ENTREP2: variants seen among roughly 807,000 people sequenced by gnomAD.
ENTREP2 encodes protein ENTREP2.
the ENTREP2 span, among the ~76,000 whole-genome samples, chr15:29,353,979 C>T: frequency 3.6e-4 from 55 of 152,142 alleles, no homozygotes; most frequent in African/African-American, 1.2e-3. Flanking sequence ...CTAAGAGGTA[C>T]CCAGAGAGCT....
the ENTREP2 span, among the ~76,000 whole-genome samples, chr15:29,548,702 G>A: frequency 3.9e-5 from 6 of 152,280 alleles, no homozygotes; most frequent in Admixed American, 3.9e-4. Context: ...TATTTGTTAT[G>A]CTTCAATCCT....
the ENTREP2 span, among the ~76,000 whole-genome samples, chr15:29,328,954 A>G: frequency 6.6e-6 from 1 of 152,232 alleles, no homozygotes; most frequent in Non-Finnish European, 1.5e-5. Flanking sequence ...AGGTGCCTGA[A>G]AAAACAGATA....
At chr15:29,566,367 T>C in the ENTREP2 span, among the ~76,000 whole-genome samples, 41 of 152,146 alleles carry the variant, frequency 2.7e-4, no homozygotes, top group East Asian at 6.2e-3. Flanking sequence ...GATTCCACCA[T>C]GTTGGCCAGG....
the ENTREP2 span, among the ~76,000 whole-genome samples, chr15:29,176,041 A>G: frequency 6.6e-6 from 1 of 152,276 alleles, no homozygotes; most frequent in African/African-American, 2.4e-5. Context: ...GAAGCTAAAA[A>G]GAATGAAGAG....
the ENTREP2 span, among the ~76,000 whole-genome samples, chr15:29,444,326 T>C: frequency 1.3e-5 from 2 of 152,170 alleles, no homozygotes; most frequent in East Asian, 1.9e-4. Flanking sequence ...ACATTTTATA[T>C]AAGCAAGCAT....
the ENTREP2 span, among the ~76,000 whole-genome samples, chr15:29,439,232 A>G: frequency 0.054 from 8,212 of 151,108 alleles, 768 homozygotes; most frequent in African/African-American, 0.19. Flanking sequence ...CAGGGAAAGC[A>G]TCAGAATGTA....
chr15:29,296,823 C>T, the ENTREP2 span, among the ~76,000 whole-genome samples: 2 of 152,114 alleles, frequency 1.3e-5, no homozygotes, highest in Non-Finnish European at 2.9e-5. Context: ...CCCTTAAGAG[C>T]AGGTCTATCT....
chr15:29,377,082 A>G, the ENTREP2 span: 1 of 152,308 alleles, frequency 6.6e-6, no homozygotes, highest in East Asian at 1.9e-4. Context: ...ATGAACTAGA[A>G]AACTCACTGC....
chr15:29,474,563 T>A, the ENTREP2 span, among the ~76,000 whole-genome samples: 5 of 152,114 alleles, frequency 3.3e-5, no homozygotes, highest in African/African-American at 4.8e-5. Flanking sequence ...TGTTGTTTTT[T>A]TTTCCTTTGG....
the ENTREP2 span, among the ~76,000 whole-genome samples, chr15:29,386,572 G>C: frequency 6.6e-6 from 1 of 152,200 alleles, no homozygotes; most frequent in Admixed American, 6.6e-5. Context: ...CACAGCAACA[G>C]AAAACAATTG....
chr15:29,338,563 C>T, the ENTREP2 span, among the ~76,000 whole-genome samples: 12 of 152,016 alleles, frequency 7.9e-5, no homozygotes, highest in Non-Finnish European at 1.6e-4. Context: ...TTGGAGGACA[C>T]AGAGGATGTC....
the ENTREP2 span, among the ~76,000 whole-genome samples, chr15:29,339,779 T>C: frequency 6.6e-6 from 1 of 152,212 alleles, no homozygotes; most frequent in African/African-American, 2.4e-5. Flanking sequence ...CATTAACATA[T>C]GAAAACATTC....
At chr15:29,567,690 A>C in the ENTREP2 span, among the ~76,000 whole-genome samples, 1 of 152,196 alleles carries the variant, frequency 6.6e-6, no homozygotes, top group South Asian at 2.1e-4. Context: ...GAGCACCAGC[A>C]GGCAGAGGCC....
chr15:29,645,095 T>TA, the ENTREP2 span, among the ~76,000 whole-genome samples: 2 of 151,982 alleles, frequency 1.3e-5, no homozygotes, highest in African/African-American at 4.8e-5. Flanking sequence ...ACCACAAACT[T>TA]AAGAGGAACA....
chr15:29,502,581 T>C, the ENTREP2 span, among the ~76,000 whole-genome samples: 2 of 151,840 alleles, frequency 1.3e-5, no homozygotes, highest in Non-Finnish European at 2.9e-5. Flanking sequence ...AAAGAAAAAA[T>C]AGATGAATTG....
At chr15:29,222,952 A>T in the ENTREP2 span, among the ~76,000 whole-genome samples, 1 of 152,242 alleles carries the variant, frequency 6.6e-6, no homozygotes, top group African/African-American at 2.4e-5. Flanking sequence ...AGAGCTATAC[A>T]GGAGAAAACT....
At chr15:29,403,507 C>CA in the ENTREP2 span, among the ~76,000 whole-genome samples, 2 of 152,156 alleles carry the variant, frequency 1.3e-5, no homozygotes, top group African/African-American at 4.8e-5. Context: ...GAAAAGCTAT[C>CA]AGAGTATAAT....
the ENTREP2 span, among the ~76,000 whole-genome samples, chr15:29,349,928 A>G: frequency 0.047 from 7,190 of 151,448 alleles, 226 homozygotes; most frequent in Non-Finnish European, 0.075. Context: ...AAAAATAATA[A>G]TTAATTGATT....
chr15:29,326,728 A>G, the ENTREP2 span, among the ~76,000 whole-genome samples: 1 of 152,160 alleles, frequency 6.6e-6, no homozygotes, highest in African/African-American at 2.4e-5. Context: ...TTATATGAAG[A>G]GGCCAAAGAC....
Sources: gnomAD v4.1 joint callset for allele counts (sites outside exome capture counted in the v4.1 genomes callset) on GRCh38, gnomAD v4.1.1 for gene constraint, MANE v1.5 for transcripts, NCBI Gene and HGNC (gene_info 2026-07-23, HGNC 2026-07-21) for gene names.